The following SNTG1 variants were observed in gnomAD, a reference collection of about 807,000 sequenced individuals.
SNTG1 encodes the protein gamma-1-syntrophin.
Under a neutral mutation model 74.7 loss-of-function variants are expected in SNTG1, and 39 were observed. The ratio of observed to expected loss-of-function variants is 0.52; its 90% CI spans 0.40 to 0.68. The LOEUF (loss-of-function observed/expected upper bound fraction) is 0.68. SNTG1 is among the 30% of genes least tolerant of loss of function. The pLI is 0.00. For synonymous variants in SNTG1, 254 were observed against 217.1 expected (o/e 1.17, Z -1.49); for missense variants, 685 against 609.5 (o/e 1.12, Z -1.30).
chr8:50,415,865 T>G (rs1290356711), intron 4 of SNTG1, among the ~76,000 whole-genome samples: 3 of 152,106 alleles, frequency 2.0e-5, no homozygotes, highest in Non-Finnish European at 4.4e-5. Context: ...AAGGTAGTGA[T>G]TGAAATTTAT....
At chr8:50,412,848 T>C (rs2092966497) in intron 4 of SNTG1, among the ~76,000 whole-genome samples, 1 of 152,124 alleles carries the variant, frequency 6.6e-6, no homozygotes, top group Non-Finnish European at 1.5e-5. Context: ...CAGGATACAG[T>C]TGGGAAGGAT....
intron 8 of SNTG1, among the ~76,000 whole-genome samples, chr8:50,457,416 G>C (rs746797288): frequency 6.6e-6 from 1 of 152,210 alleles, no homozygotes; most frequent in Middle Eastern, 3.4e-3. Flanking sequence ...GACTCTTTCC[G>C]AATTCTCTAT....
In SNTG1 at chr8:50,449,944, G is replaced by A. The variant is rs2093440682; in HGVS notation, c.277+219G>A. Among the ~76,000 whole-genome samples, 5 of 152,268 alleles carry A rather than the reference G, an allele frequency of 3.3e-5. No individual in the cohort carries two copies. The South Asian group carries it at 1.0e-3, about 32-fold the overall frequency. On this transcript the variant is annotated intron_variant, in intron 6 of 18. Transcript: ENST00000642720. Reference sequence around the variant, plus strand: ...GAAGGGGAACAAGGCTGAAAGATAGGAACCCTTGAAAGCAGGTATGAGTTA... The same window carrying A: ...GAAGGGGAACAAGGCTGAAAGATAGAAACCCTTGAAAGCAGGTATGAGTTA...
chr8:50,346,281 G>A lies in SNTG1; in HGVS notation c.-27-47931G>A, dbSNP rs888199223. 2.0e-4 allele frequency among the ~76,000 whole-genome samples: 31 copies of A among 152,136 alleles called. No homozygotes were observed. The South Asian group carries it at 5.2e-3, about 25-fold the overall frequency. On this transcript the variant is annotated intron_variant, in intron 2 of 18. Coordinates refer to ENST00000642720, the MANE Select transcript of SNTG1 (RefSeq NM_018967.5). ...TTGTCATGATATTTCAAACTATTTC[G>A]TTATTATTATATCTGTTATGGGGAT...
chr8:50,575,657 G>A (rs1369502165), intron 12 of SNTG1: 1 of 152,216 alleles, frequency 6.6e-6, no homozygotes, highest in Non-Finnish European at 1.5e-5. Context: ...TTGCTTGTGT[G>A]TCCTCTGTAG....
intron 1 of SNTG1, among the ~76,000 whole-genome samples, chr8:50,162,181 CTG>C (rs2082439272): frequency 6.6e-6 from 1 of 152,164 alleles, no homozygotes. Context: ...CAGAGCAGCT[CTG>C]TGAATAACCT....
At chr8:50,731,122 A>G (rs1486767552) in intron 17 of SNTG1, among the ~76,000 whole-genome samples, 3 of 152,132 alleles carry the variant, frequency 2.0e-5, no homozygotes, top group Non-Finnish European at 4.4e-5. Context: ...CTCAGTATTC[A>G]TCTTTATTTC....
chr8:50,135,879 GT>G (rs1033812576), intron 1 of SNTG1, among the ~76,000 whole-genome samples: 1 of 152,110 alleles, frequency 6.6e-6, no homozygotes, highest in Non-Finnish European at 1.5e-5. Flanking sequence ...CTGATAGATA[GT>G]TTTTTGATCC....
At chr8:50,653,223 C>T (rs553643421) in intron 13 of SNTG1, among the ~76,000 whole-genome samples, 7 of 152,076 alleles carry the variant, frequency 4.6e-5, no homozygotes, top group African/African-American at 1.4e-4. Flanking sequence ...ACGATCAGCT[C>T]GCTTGAGGCC....
At chr8:50,308,323 T>C (rs1161816823) in intron 2 of SNTG1, among the ~76,000 whole-genome samples, 2 of 152,040 alleles carry the variant, frequency 1.3e-5, no homozygotes, top group Non-Finnish European at 2.9e-5. Context: ...AGTTCTTCCA[T>C]AGTCGTGAGA....
rs115104046 is a variant in SNTG1 at position 49,992,869 on chromosome 8, A to G, written c.-103+80638A>G. On this transcript the variant is annotated intron_variant, in intron 1 of 18. Transcript: ENST00000642720. ...TTAGTAAAGTGCTCACACATACTAA[A>G]ATCACCTTTATTAGAATAACACTAG... 9.8e-4 allele frequency among the ~76,000 whole-genome samples: 149 copies of G among 152,328 alleles called. 1 individual carries two copies. The highest frequency in any genetic ancestry group is 3.4e-3 in the African/African-American group (140 of 41,574).
chr8:50,757,454 T>G (rs1455372780), intron 18 of SNTG1, among the ~76,000 whole-genome samples: 2 of 151,856 alleles, frequency 1.3e-5, no homozygotes, highest in Non-Finnish European at 2.9e-5. Context: ...AAACCTTTCC[T>G]TGTTGAAGTC....
At chr8:50,517,543 C>T (rs979238633) in intron 9 of SNTG1, among the ~76,000 whole-genome samples, 1 of 148,604 alleles carries the variant, frequency 6.7e-6, no homozygotes. Flanking sequence ...ATTCAGGAGA[C>T]CTATCTCATG....
At chr8:50,779,822 T>A (rs1194766987) in intron 18 of SNTG1, among the ~76,000 whole-genome samples, 1 of 152,148 alleles carries the variant, frequency 6.6e-6, no homozygotes, top group Non-Finnish European at 1.5e-5. Context: ...CAATTCAGTA[T>A]AATATTGGCT....
chr8:49,922,255 A>G (rs1257842815), intron 1 of SNTG1, among the ~76,000 whole-genome samples: 1 of 152,124 alleles, frequency 6.6e-6, no homozygotes, highest in Non-Finnish European at 1.5e-5. Context: ...TCAATCACTC[A>G]GATTCTCCAG....
intron 1 of SNTG1, among the ~76,000 whole-genome samples, chr8:49,980,893 CTTTTGCTTAAAAAAATCTTTTCT>C (rs1330663577): frequency 6.6e-6 from 1 of 152,070 alleles, no homozygotes; most frequent in African/African-American, 2.4e-5. Flanking sequence ...ATTTTTCTCA[CTTTTGCTTAAAAAAATCTTTTCT>C]TAGAGAAGAA....
chr8:50,222,047 G>A (rs937981923), intron 2 of SNTG1, among the ~76,000 whole-genome samples: 1 of 152,204 alleles, frequency 6.6e-6, no homozygotes, highest in Non-Finnish European at 1.5e-5. Flanking sequence ...TTCATGCACT[G>A]AGGCCACTTC....
At chr8:50,701,819 T>TCTCCTC (rs748825249) in intron 15 of SNTG1, among the ~76,000 whole-genome samples, 2 of 144,298 alleles carry the variant, frequency 1.4e-5, no homozygotes, top group African/African-American at 5.4e-5. Flanking sequence ...TTCTTCTTCT[T>TCTCCTC]CTCCTCCTCC....
intron 2 of SNTG1, among the ~76,000 whole-genome samples, chr8:50,266,646 A>ATG (rs748153246): frequency 0.029 from 2,003 of 69,686 alleles, 46 homozygotes; most frequent in African/African-American, 0.046. Flanking sequence ...ACACAGAATT[A>ATG]TGTGTGTGTG....
Sources: allele counts gnomAD v4.1 joint callset (sites outside exome capture counted in the v4.1 genomes callset), GRCh38; gene constraint gnomAD v4.1.1; transcripts MANE v1.5; gene names NCBI Gene and HGNC (gene_info 2026-07-23, HGNC 2026-07-21).